PLEKHM3: variants seen among roughly 807,000 people sequenced by gnomAD.
PLEKHM3 encodes pleckstrin homology domain containing M3.
Under a neutral mutation model 81.8 loss-of-function variants are expected in PLEKHM3, and 45 were observed. That is an observed-to-expected ratio of 0.55 (90% CI 0.43 to 0.71). The LOEUF (loss-of-function observed/expected upper bound fraction) is 0.71, where lower values mean the gene tolerates loss of function less well. Ranked by LOEUF, PLEKHM3 falls within the 30% of genes least tolerant of loss-of-function variation. PLEKHM3 has a pLI of 0.00. For synonymous variants in PLEKHM3, 352 were observed against 356.4 expected (o/e 0.99, Z 0.14); for missense variants, 788 against 924.3 (o/e 0.85, Z 1.91).
chr2:207,878,145 C>T (rs2092568704), intron 6 of PLEKHM3, among the ~76,000 whole-genome samples: 1 of 152,056 alleles, frequency 6.6e-6, no homozygotes, highest in South Asian at 2.1e-4. Flanking sequence ...CCTATATTGC[C>T]CAGGCTGGTC....
chr2:207,967,201 C>T (rs976095178), intron 3 of PLEKHM3, among the ~76,000 whole-genome samples: 1 of 151,974 alleles, frequency 6.6e-6, no homozygotes, highest in African/African-American at 2.4e-5. Flanking sequence ...TGCTATGTTG[C>T]TCAGGCTGGT....
chr2:207,976,352 C>A lies in PLEKHM3; in HGVS notation c.1546+299G>T, dbSNP rs910512269. ...GCAGAGGGAATGGAATCACAGCCGACTCAGGAAACCTAAATTCTAGTCTGG... is the reference window on the plus strand; with the variant it reads ...GCAGAGGGAATGGAATCACAGCCGAATCAGGAAACCTAAATTCTAGTCTGG... On this transcript the variant is annotated intron_variant, in intron 3 of 7. Transcript: ENST00000427836. This position sits in a 1 kb window ranked among gnomAD's most constrained non-coding sequence, Gnocchi z 4.1. Among the ~76,000 whole-genome samples the A allele has an allele frequency of 1.3e-5, 2 of 152,186 alleles. No homozygotes were observed. Among genetic ancestry groups the A allele is most frequent in the Non-Finnish European group, 2.9e-5 (2 of 68,040 alleles).
At chr2:207,896,246 T>C (rs1688219145) in intron 6 of PLEKHM3, among the ~76,000 whole-genome samples, 1 of 152,230 alleles carries the variant, frequency 6.6e-6, no homozygotes, top group Non-Finnish European at 1.5e-5. Context: ...AGAAGTAAAG[T>C]AATACAGTTT....
At chr2:207,884,646 T>C (rs1687828206) in intron 6 of PLEKHM3, among the ~76,000 whole-genome samples, 1 of 152,238 alleles carries the variant, frequency 6.6e-6, no homozygotes, top group Admixed American at 6.5e-5. Context: ...TCAAAGCATG[T>C]AATACATTCT....
At chr2:207,918,820 G>C (rs1689085563) in intron 5 of PLEKHM3, among the ~76,000 whole-genome samples, 2 of 152,284 alleles carry the variant, frequency 1.3e-5, no homozygotes, top group East Asian at 3.9e-4. Context: ...CAGATAAAAA[G>C]TCATGACATT....
intron 5 of PLEKHM3, among the ~76,000 whole-genome samples, chr2:207,912,469 T>C (rs1411814831): frequency 6.6e-6 from 1 of 152,174 alleles, no homozygotes; most frequent in African/African-American, 2.4e-5. Context: ...AAATGCAATA[T>C]ATGCGGGAAA....
chr2:207,865,046 G>T lies in PLEKHM3; in HGVS notation c.1951-3784C>A, dbSNP rs548261782. On this transcript the variant is annotated intron_variant, in intron 6 of 7. Coordinates refer to ENST00000427836, the MANE Select transcript of PLEKHM3 (RefSeq NM_001080475.3). The stretch of plus-strand genomic sequence containing the variant: ...TTTCCATTGATGCTAATTACTTCTA[G>T]GTGATTCTTTTGGTTTTTCTAGTAT... Among the ~76,000 whole-genome samples the T allele has an allele frequency of 3.2e-4, 49 of 152,108 alleles. 1 individual carries two copies. The South Asian group carries it at 1.0e-2, about 31-fold the overall frequency.
chr2:208,011,907 C>G (rs1028190618), intron 1 of PLEKHM3, among the ~76,000 whole-genome samples: 1 of 148,240 alleles, frequency 6.7e-6, no homozygotes, highest in African/African-American at 2.5e-5. Context: ...AAGTGACTCT[C>G]CTGCTCAGCC....
At chr2:207,912,403 A>G (rs1688837672) in intron 5 of PLEKHM3, among the ~76,000 whole-genome samples, 1 of 152,216 alleles carries the variant, frequency 6.6e-6, no homozygotes, top group African/African-American at 2.4e-5. Context: ...ATCACACTTC[A>G]GTGTCTAATA....
rs534705062 is a variant in PLEKHM3, at chr2:207,830,969, G to A, written c.2109-2473C>T. Among the ~76,000 whole-genome samples the A allele has an allele frequency of 5.9e-5, 9 of 152,330 alleles. No homozygotes were observed. The South Asian group carries it at 1.5e-3, about 25-fold the overall frequency. ...CTAATGACCTTACGCAAGTCACGTC[G>A]CCTTTCTGAGCTTCCTGCACTTCAG... is the stretch of plus-strand genomic sequence containing the variant. On this transcript the variant is annotated intron_variant, in intron 7 of 7. Coordinates refer to ENST00000427836, the MANE Select transcript of PLEKHM3 (RefSeq NM_001080475.3).
At chr2:207,841,915 G>A (rs1191538703) in intron 7 of PLEKHM3, among the ~76,000 whole-genome samples, 1 of 151,876 alleles carries the variant, frequency 6.6e-6, no homozygotes, top group African/African-American at 2.4e-5. Context: ...AATATACTAG[G>A]GAAGTTTACT....
chr2:207,886,236 G>A (rs935026714), intron 6 of PLEKHM3, among the ~76,000 whole-genome samples: 2 of 152,174 alleles, frequency 1.3e-5, no homozygotes, highest in Admixed American at 1.3e-4. Flanking sequence ...TCCCAGATGA[G>A]CCCCAAGCCC....
intron 7 of PLEKHM3, among the ~76,000 whole-genome samples, chr2:207,848,366 T>G (rs1483897239): frequency 6.6e-6 from 1 of 152,144 alleles, no homozygotes; most frequent in Non-Finnish European, 1.5e-5. Context: ...GGCTTGATGG[T>G]TTTTTTGGCA....
At chr2:207,967,154 TTTTTTTA>T (rs1690944121) in intron 3 of PLEKHM3, among the ~76,000 whole-genome samples, 1 of 151,962 alleles carries the variant, frequency 6.6e-6, no homozygotes, top group African/African-American at 2.4e-5. Flanking sequence ...GCTGGGCTAT[TTTTTTTA>T]TTTTTTATTT....
rs548762036 is a variant in PLEKHM3, at chr2:207,940,347, C to G, written c.1692+6020G>C. On this transcript the variant is annotated intron_variant, in intron 4 of 7. Coordinates refer to ENST00000427836, the MANE Select transcript of PLEKHM3 (RefSeq NM_001080475.3). ...TAAATATGTGAAATTATGATGAGAA[C>G]AAATTTGGTACACACTATGTGCTAG... Among the ~76,000 whole-genome samples, 12 of 152,260 alleles carry G rather than the reference C, an allele frequency of 7.9e-5. No homozygotes were observed. In the South Asian group the frequency reaches 1.0e-3, roughly 13 times the overall value.
At chr2:207,870,429 C>A (rs1217853047) in intron 6 of PLEKHM3, among the ~76,000 whole-genome samples, 6 of 152,232 alleles carry the variant, frequency 3.9e-5, no homozygotes, top group African/African-American at 1.4e-4. Flanking sequence ...ACTTGACAAA[C>A]AACTCCGTCT....
rs745560276 is a variant in PLEKHM3, at chr2:207,977,319, G to A, written c.878C>T (p.Pro293Leu). Residue 293 changes from proline to leucine, a missense_variant, in exon 3 of 8, where the codon CCA (proline) becomes CTA (leucine). Pro to Leu is a moderately conservative substitution (Grantham distance 98). Coordinates refer to ENST00000427836, the MANE Select transcript of PLEKHM3 (RefSeq NM_001080475.3). ...CTGTCCCCAGTCCAAAGCCTCCCAT[G>A]GTGACTCTGCCTTTAGCTGTAGCTG... is the stretch of plus-strand genomic sequence containing the variant. Reference protein sequence around the residue: ...NTQLQLKAESPWEALDWGQKL... With the variant: ...NTQLQLKAESLWEALDWGQKL... 9 of 1,614,142 alleles carry A rather than the reference G, an allele frequency of 5.6e-6. No individual in the cohort carries two copies. The East Asian group carries it at 1.8e-4, about 32-fold the overall frequency.
At chr2:207,882,261 T>C (rs1028375438) in intron 6 of PLEKHM3, among the ~76,000 whole-genome samples, 2 of 152,180 alleles carry the variant, frequency 1.3e-5, no homozygotes, top group African/African-American at 4.8e-5. Context: ...TCTTAGACCA[T>C]GGTCAGAGTT....
At chr2:208,008,091 AGTCAGGTGTGGTGGCATGT>A (rs1156651583) in intron 1 of PLEKHM3, among the ~76,000 whole-genome samples, 1 of 151,604 alleles carries the variant, frequency 6.6e-6, no homozygotes, top group African/African-American at 2.4e-5. Flanking sequence ...ATAAAAAATT[AGTCAGGTGTGGTGGCATGT>A]GCCTGTAGTC....
Sources: gnomAD v4.1 joint callset for allele counts (sites outside exome capture counted in the v4.1 genomes callset) on GRCh38, gnomAD v4.1.1 for gene constraint, Gnocchi (gnomAD v3.1) non-coding constraint, MANE v1.5 for transcripts, NCBI Gene and HGNC (gene_info 2026-07-23, HGNC 2026-07-21) for gene names.